Variants in NLRP11 observed in about 807,000 individuals in gnomAD.
NLRP11 encodes the protein NACHT, LRR and PYD domains-containing protein 11.
NLRP11 carries 53 observed loss-of-function variants against 79.3 expected under a neutral mutation model. The ratio of observed to expected loss-of-function variants is 0.67; its 90% confidence interval spans 0.54 to 0.84. NLRP11 has a LOEUF of 0.84. Among genes scored for constraint, NLRP11 ranks in the 40% least tolerant of loss-of-function variants. The probability of loss-of-function intolerance (pLI) is 0.00; values close to 1 mark genes in which losing one functional copy is unlikely to be tolerated. For synonymous variants in NLRP11, 518 were observed against 462.6 expected (o/e 1.12, Z -1.54); for missense variants, 1,264 against 1,255.0 (o/e 1.01, Z -0.11).
intron 3 of NLRP11, among the ~76,000 whole-genome samples, chr19:55,808,266 A>C (rs1225729776): frequency 3.3e-5 from 5 of 152,234 alleles, no homozygotes; most frequent in Admixed American, 2.6e-4. Flanking sequence ...AAATATTTTT[A>C]AACTTCAATA....
At chr19:55,805,745 G>A (rs1230440568) in intron 4 of NLRP11, among the ~76,000 whole-genome samples, 3 of 152,036 alleles carry the variant, frequency 2.0e-5, no homozygotes, top group Non-Finnish European at 4.4e-5. Context: ...TCACCATGTT[G>A]GCCAGGCTGG....
At chr19:55,797,223 C>G (rs1384431531) in intron 5 of NLRP11, among the ~76,000 whole-genome samples, 1 of 152,098 alleles carries the variant, frequency 6.6e-6, no homozygotes, top group African/African-American at 2.4e-5. Context: ...CACTTGAACT[C>G]AGGAGTTCGA....
chr19:55,831,674 A>G (rs1345196680), intron 1 of NLRP11, among the ~76,000 whole-genome samples: 1 of 151,940 alleles, frequency 6.6e-6, no homozygotes, highest in Non-Finnish European at 1.5e-5. Context: ...TAAACACTCC[A>G]CCCACAGTGC....
chr19:55,805,787 G>A (rs1283477737), intron 4 of NLRP11, among the ~76,000 whole-genome samples: 3 of 152,048 alleles, frequency 2.0e-5, no homozygotes, highest in South Asian at 2.1e-4. Context: ...TGATCCACCC[G>A]CCTCAGCCTC....
At chr19:55,797,501 G>A (rs960579096) in intron 5 of NLRP11, among the ~76,000 whole-genome samples, 6 of 152,180 alleles carry the variant, frequency 3.9e-5, no homozygotes, top group African/African-American at 1.4e-4. Flanking sequence ...CAGAAAACTG[G>A]AAGAAATACG....
At chr19:55,830,871 T>C (rs2122949147) in intron 1 of NLRP11, among the ~76,000 whole-genome samples, 1 of 152,166 alleles carries the variant, frequency 6.6e-6, no homozygotes, top group South Asian at 2.1e-4. Flanking sequence ...CACCGCACAG[T>C]TGGGCACTTC....
intron 2 of NLRP11, among the ~76,000 whole-genome samples, 196 bp from the exon 3 acceptor site, chr19:55,810,534 T>C (rs1297809048): frequency 1.3e-5 from 2 of 152,248 alleles, no homozygotes. Flanking sequence ...TTTGCTCTTA[T>C]TGCACAGGCT....
intron 2 of NLRP11, among the ~76,000 whole-genome samples, chr19:55,814,551 G>C (rs770232381): frequency 3.3e-5 from 5 of 150,462 alleles, no homozygotes; most frequent in Non-Finnish European, 7.4e-5. Context: ...GATAAGAAAA[G>C]AGAAGTGAAT....
chr19:55,801,617 A>G, exon 5 of NLRP11: 1 of 1,614,188 alleles, frequency 6.2e-7, no homozygotes, highest in Non-Finnish European at 8.5e-7. Flanking sequence ...GATGTCATGC[A>G]GAAGTGAAAA....
At chr19:55,796,308 T>TC in intron 5 of NLRP11, 58 bp from the exon 6 acceptor site, 1 of 1,312,322 alleles carries the variant, frequency 7.6e-7, no homozygotes, top group Non-Finnish European at 1.0e-6. Flanking sequence ...TCCCCTCTTT[T>TC]AAATTAAAAA....
intron 9 of NLRP11, among the ~76,000 whole-genome samples, chr19:55,786,739 A>C (rs1469863781): frequency 1.3e-5 from 2 of 152,184 alleles, no homozygotes; most frequent in African/African-American, 4.8e-5. Flanking sequence ...TATAATACTG[A>C]AGGAAAAATA....
chr19:55,788,850 G>A, exon 9 of NLRP11: 1 of 1,601,330 alleles, frequency 6.2e-7, no homozygotes, highest in African/African-American at 1.4e-5. Flanking sequence ...AAGCTCTCAA[G>A]AAGTTTTGCA....
chr19:55,789,354 G>A, exon 8 of NLRP11: 1 of 1,613,976 alleles, frequency 6.2e-7, no homozygotes, highest in Non-Finnish European at 8.5e-7. Flanking sequence ...CAATAACTAT[G>A]GCAATATATT....
At chr19:55,788,956 G>T in exon 9 of NLRP11, 1 of 1,613,852 alleles carries the variant, frequency 6.2e-7, no homozygotes. Flanking sequence ...AGCAGGCACT[G>T]GTTAACATGC....
intron 5 of NLRP11, 51 bp from the exon 6 acceptor site, chr19:55,796,301 C>A: frequency 7.0e-7 from 1 of 1,431,584 alleles, no homozygotes; most frequent in African/African-American, 1.6e-5. Context: ...TAAGCTATCC[C>A]CTCTTTTAAA....
At chr19:55,822,896 TG>T in intron 1 of NLRP11, among the ~76,000 whole-genome samples, 1 of 152,208 alleles carries the variant, frequency 6.6e-6, no homozygotes, top group East Asian at 1.9e-4. Context: ...AAGCTGGAAC[TG>T]GGGGGAGCCC....
intron 1 of NLRP11, among the ~76,000 whole-genome samples, chr19:55,828,507 C>A (rs1042807738): frequency 6.6e-6 from 1 of 152,154 alleles, no homozygotes; most frequent in Non-Finnish European, 1.5e-5. Flanking sequence ...CTCATTGCAA[C>A]AAATTTTAAA....
intron 2 of NLRP11, among the ~76,000 whole-genome samples, chr19:55,814,774 C>A (rs1276716147): frequency 1.3e-5 from 2 of 152,148 alleles, no homozygotes; most frequent in Non-Finnish European, 1.5e-5. Context: ...GCAACACCAG[C>A]TTTTCAACTG....
At chr19:55,799,266 T>A (rs57293981) in intron 5 of NLRP11, among the ~76,000 whole-genome samples, 68,666 of 147,440 alleles carry the variant, frequency 0.47, 15,570 homozygotes, top group Admixed American at 0.49. Flanking sequence ...CTTTGTCTCA[T>A]AAATAAATAT....
Sources: allele counts gnomAD v4.1 joint callset (sites outside exome capture counted in the v4.1 genomes callset), GRCh38; gene constraint gnomAD v4.1.1; transcripts MANE v1.5; gene names NCBI Gene and HGNC (gene_info 2026-07-23, HGNC 2026-07-21).